The following PDZRN3 variants were observed in gnomAD, a reference collection of about 807,000 sequenced individuals.
PDZRN3 encodes the protein PDZ domain containing ring finger 3, also known as E3 ubiquitin-protein ligase PDZRN3.
PDZRN3 carries 38 observed loss-of-function variants against 85.7 expected under a neutral mutation model. The observed-to-expected ratio is 0.44, with a 90% confidence interval of 0.34 to 0.58. The LOEUF (loss-of-function observed/expected upper bound fraction) is 0.58. Ranked by LOEUF, PDZRN3 falls within the 20% of genes least tolerant of loss-of-function variation. The pLI, the probability that PDZRN3 is intolerant of heterozygous loss-of-function variation, is 0.01. For synonymous variants in PDZRN3, 759 were observed against 638.0 expected, an observed-to-expected ratio of 1.19 and a Z score of -2.86; for missense variants, 1,629 against 1,506.4, an observed-to-expected ratio of 1.08 and a Z score of -1.35.
chr3:73,591,285 C>G (rs1308668761), intron 3 of PDZRN3, among the ~76,000 whole-genome samples: 1 of 152,114 alleles, frequency 6.6e-6, no homozygotes, highest in African/African-American at 2.4e-5. Context: ...TTAAAAATAG[C>G]TGATATTGAA....
intron 3 of PDZRN3, among the ~76,000 whole-genome samples, chr3:73,477,316 A>G (rs996872361): frequency 2.0e-5 from 3 of 152,186 alleles, no homozygotes; most frequent in Admixed American, 2.0e-4. Context: ...ACACATAACT[A>G]GGAAGCAAAA....
intron 3 of PDZRN3, among the ~76,000 whole-genome samples, chr3:73,439,929 G>T (rs1390258026): frequency 7.3e-6 from 1 of 136,704 alleles, no homozygotes; most frequent in Non-Finnish European, 1.5e-5. Context: ...AGTAGAGTTG[G>T]GGTTCACCAT....
chr3:73,494,700 T>C (rs1559707873), intron 3 of PDZRN3, among the ~76,000 whole-genome samples: 2 of 152,244 alleles, frequency 1.3e-5, no homozygotes, highest in African/African-American at 4.8e-5. Flanking sequence ...ATTTATTAAG[T>C]AATTTTTGCC....
At chr3:73,457,471 G>A (rs1703009111) in intron 3 of PDZRN3, among the ~76,000 whole-genome samples, 1 of 152,076 alleles carries the variant, frequency 6.6e-6, no homozygotes, top group South Asian at 2.1e-4. Flanking sequence ...CCCAATATGG[G>A]TTTGTTGGGT....
chr3:73,539,744 T>C (rs1704870822), intron 3 of PDZRN3, among the ~76,000 whole-genome samples: 1 of 151,880 alleles, frequency 6.6e-6, no homozygotes, highest in Non-Finnish European at 1.5e-5. Context: ...AGCAACAAAG[T>C]TGGGATGGTT....
chr3:73,393,854 G>A (rs192151466), intron 5 of PDZRN3, among the ~76,000 whole-genome samples: 94 of 152,254 alleles, frequency 6.2e-4, no homozygotes, highest in Non-Finnish European at 7.6e-4. Flanking sequence ...CTGATATCAC[G>A]AGATTTTAGA....
Position 73,384,578 on chromosome 3 carries a change from C to G in PDZRN3, c.1988G>C (p.Gly663Ala). Residue 663 changes from glycine to alanine, a missense_variant, in exon 10 of 10, where the codon GGC becomes GCC. By Grantham distance (60) the Gly-to-Ala change is moderately conservative. Transcript: ENST00000263666. ...KCQVKSATPYGLYYPSGPLDA... is the reference protein window; with the variant it reads ...KCQVKSATPYALYYPSGPLDA... ...CAGGGGGCCGCTAGGGTAGTACAGG[C>G]CGTAAGGGGTGGCGCTCTTCACCTG... 6.2e-7 allele frequency: 1 copy of G among 1,613,706 alleles called. No individual in the cohort carries two copies. The highest frequency in any genetic ancestry group is 8.5e-7 in the Non-Finnish European group (1 of 1,180,032).
chr3:73,422,773 G>T (rs1373282461), intron 3 of PDZRN3, among the ~76,000 whole-genome samples: 1 of 152,170 alleles, frequency 6.6e-6, no homozygotes, highest in Non-Finnish European at 1.5e-5. Flanking sequence ...GGAACAAAAA[G>T]TTCAAGTTAA....
At chr3:73,407,657 G>C (rs1016952552) in intron 3 of PDZRN3, among the ~76,000 whole-genome samples, 1 of 152,098 alleles carries the variant, frequency 6.6e-6, no homozygotes, top group African/African-American at 2.4e-5. Flanking sequence ...TTATAGCAAG[G>C]TGATGGCAAC....
Position 73,451,610 on chromosome 3 carries a change from T to C in PDZRN3, c.919-47215A>G, listed in dbSNP as rs117120091. On this transcript the variant is annotated intron_variant, in intron 3 of 9. Coordinates refer to ENST00000263666, the MANE Select transcript of PDZRN3 (RefSeq NM_015009.3). ...ATGGGAGAAAAATACCAAAGCAAAG[T>C]TGGTTTTAGAGAGAGGCTGAGCTGC... Among the ~76,000 whole-genome samples, 296 of 152,082 alleles carry C rather than the reference T, an allele frequency of 1.9e-3. 2 individuals carry two copies. Among genetic ancestry groups the C allele is most frequent in the East Asian group, 0.019 (96 of 5,152 alleles).
chr3:73,526,050 G>A (rs1467264479), intron 3 of PDZRN3, among the ~76,000 whole-genome samples: 4 of 152,122 alleles, frequency 2.6e-5, no homozygotes, highest in Admixed American at 1.3e-4. Context: ...TGCTGTGCAC[G>A]GACTACGTGA....
intron 3 of PDZRN3, among the ~76,000 whole-genome samples, chr3:73,540,249 A>G (rs1704887780): frequency 6.6e-6 from 1 of 152,142 alleles, no homozygotes; most frequent in Admixed American, 6.5e-5. Context: ...CCCTAAATAT[A>G]TATAGCTAAA....
At chr3:73,414,212 G>GA (rs2106755565) in intron 3 of PDZRN3, among the ~76,000 whole-genome samples, 1 of 152,212 alleles carries the variant, frequency 6.6e-6, no homozygotes, top group African/African-American at 2.4e-5. Context: ...AGCAAATTTT[G>GA]AAAAATGCTA....
chr3:73,536,915 G>C (rs1033588611), intron 3 of PDZRN3, among the ~76,000 whole-genome samples: 1 of 152,054 alleles, frequency 6.6e-6, no homozygotes, highest in Non-Finnish European at 1.5e-5. Flanking sequence ...AGTTGTTTTC[G>C]TTGCATATAA....
At chr3:73,501,717 A>C (rs1053908429) in intron 3 of PDZRN3, among the ~76,000 whole-genome samples, 2 of 152,210 alleles carry the variant, frequency 1.3e-5, no homozygotes, top group Admixed American at 1.3e-4. Flanking sequence ...CCACATTCTA[A>C]AACAAGTCAT....
intron 3 of PDZRN3, among the ~76,000 whole-genome samples, chr3:73,491,583 T>C (rs891515966): frequency 5.0e-5 from 6 of 119,770 alleles, no homozygotes; most frequent in Admixed American, 9.4e-5. Context: ...AAACCTTGTG[T>C]GGAAGGTTCC....
chr3:73,620,605 C>A (rs1440734225), intron 1 of PDZRN3, among the ~76,000 whole-genome samples: 1 of 135,190 alleles, frequency 7.4e-6, no homozygotes. Context: ...GAGACGGAGT[C>A]TTGCTCTTTC....
At chr3:73,615,953 T>C (rs9840603) in intron 1 of PDZRN3, among the ~76,000 whole-genome samples, 84,362 of 151,936 alleles carry the variant, frequency 0.56, 23,514 homozygotes, top group African/African-American at 0.58. Flanking sequence ...GGAGGTGGGG[T>C]CTAATGGGAG....
chr3:73,435,588 C>A (rs1358820462), intron 3 of PDZRN3, among the ~76,000 whole-genome samples: 1 of 152,190 alleles, frequency 6.6e-6, no homozygotes. Flanking sequence ...ACTCTCCTTG[C>A]CTCATCCCCA....
Sources: allele counts gnomAD v4.1 joint callset (sites outside exome capture counted in the v4.1 genomes callset), GRCh38; gene constraint gnomAD v4.1.1; transcripts MANE v1.5; gene names NCBI Gene and HGNC (gene_info 2026-07-23, HGNC 2026-07-21).